The following NXPH1 variants were observed in gnomAD, a reference collection of about 807,000 sequenced individuals.
NXPH1 encodes neurexophilin-1.
Under a neutral mutation model 23.7 loss-of-function variants are expected in NXPH1, and 5 were observed. The ratio of observed to expected loss-of-function variants is 0.21; its 90% CI spans 0.11 to 0.44. The LOEUF is 0.44. Ranked by LOEUF, NXPH1 falls within the 20% of genes least tolerant of loss-of-function variation. The probability of loss-of-function intolerance (pLI) is 0.99; values close to 1 mark genes in which losing one functional copy is unlikely to be tolerated. For synonymous variants in NXPH1, 144 were observed against 122.2 expected (o/e 1.18, Z -1.18); for missense variants, 324 against 321.6 (o/e 1.01, Z -0.06).
In NXPH1 at chr7:8,713,506, A is replaced by ATT. The variant is rs572508806; in HGVS notation, c.55-37490_55-37489dup. On this transcript the variant is annotated intron_variant, in intron 2 of 2. Transcript: ENST00000405863. ...TCCTGGATGGTCTTGATGCTTGCAG[A>ATT]TTTTTTTTTTTTTGCTACCTGGGCA... Among the ~76,000 whole-genome samples the ATT allele has an allele frequency of 1.0e-4, 15 of 144,636 alleles. 1 individual carries two copies. The highest frequency in any genetic ancestry group is 6.6e-4 in the South Asian group (3 of 4,568). 94.9% of individuals were successfully genotyped at this position (144,636 alleles called of 152,430 possible). A position where few individuals can be genotyped will look rare whatever the true frequency, so the allele number is the denominator to read the frequency against.
At chr7:8,558,639 T>C (rs948887881) in intron 2 of NXPH1, among the ~76,000 whole-genome samples, 2 of 151,730 alleles carry the variant, frequency 1.3e-5, no homozygotes, top group Non-Finnish European at 3.0e-5. Flanking sequence ...TTATATCTCA[T>C]AGGCTCAAGT....
intron 2 of NXPH1, among the ~76,000 whole-genome samples, chr7:8,547,336 G>C (rs910532013): frequency 6.6e-6 from 1 of 151,372 alleles, no homozygotes; most frequent in African/African-American, 2.4e-5. Context: ...TCTCTTAAAG[G>C]GTTCCAGATA....
At chr7:8,688,796 GAC>G (rs1821185282) in intron 2 of NXPH1, among the ~76,000 whole-genome samples, 1 of 152,100 alleles carries the variant, frequency 6.6e-6, no homozygotes, top group South Asian at 2.1e-4. Context: ...TTCATTGTAT[GAC>G]ACAGTTAATA....
intron 2 of NXPH1, among the ~76,000 whole-genome samples, chr7:8,716,421 T>A (rs1779879840): frequency 6.6e-6 from 1 of 152,214 alleles, no homozygotes; most frequent in South Asian, 2.1e-4. Context: ...CAATATTGTT[T>A]GCATGAGATT....
At chr7:8,575,600 A>C (rs1818738896) in intron 2 of NXPH1, among the ~76,000 whole-genome samples, 1 of 152,194 alleles carries the variant, frequency 6.6e-6, no homozygotes, top group African/African-American at 2.4e-5. Context: ...AAGTTCTGTA[A>C]GCTCCATATT....
intron 2 of NXPH1, among the ~76,000 whole-genome samples, chr7:8,499,051 G>C (rs544377611): frequency 3.0e-4 from 46 of 152,190 alleles, no homozygotes; most frequent in African/African-American, 9.9e-4. Context: ...ATAGTGTAAA[G>C]CCTCCTATCA....
At chr7:8,554,165 A>G (rs898868526) in intron 2 of NXPH1, among the ~76,000 whole-genome samples, 1 of 145,556 alleles carries the variant, frequency 6.9e-6, no homozygotes. Flanking sequence ...ATGATGGAAG[A>G]AAAAAGCAAA....
intron 2 of NXPH1, among the ~76,000 whole-genome samples, chr7:8,447,414 G>T (rs986557619): frequency 6.6e-6 from 1 of 152,190 alleles, no homozygotes; most frequent in Non-Finnish European, 1.5e-5. Flanking sequence ...GAACTTAATT[G>T]CTATTGATGT....
At chr7:8,579,044 C>T (rs763842932) in intron 2 of NXPH1, among the ~76,000 whole-genome samples, 1 of 152,188 alleles carries the variant, frequency 6.6e-6, no homozygotes, top group African/African-American at 2.4e-5. Flanking sequence ...AGGCCAGGTA[C>T]TCATCACCTT....
At chr7:8,517,189 T>C (rs10261060) in intron 2 of NXPH1, among the ~76,000 whole-genome samples, 46,249 of 151,842 alleles carry the variant, frequency 0.3, 7,463 homozygotes, top group East Asian at 0.54. Flanking sequence ...TGAGCAACAG[T>C]GGCGGGTGAC....
chr7:8,467,541 A>G (rs1309005532), intron 2 of NXPH1, among the ~76,000 whole-genome samples: 2 of 152,176 alleles, frequency 1.3e-5, no homozygotes, highest in African/African-American at 4.8e-5. Flanking sequence ...CTTTCTAAAA[A>G]CATGAGCCTG....
In NXPH1 at chr7:8,572,116, A is replaced by G. The variant is rs573853489; in HGVS notation, c.54+136349A>G. ...AGATGAACACAAATAATTTTTTAGT[A>G]TGTCTTAAATAATGCATGGAATATA... On this transcript the variant is annotated intron_variant, in intron 2 of 2. Coordinates refer to ENST00000405863, the MANE Select transcript of NXPH1 (RefSeq NM_152745.3). Among the ~76,000 whole-genome samples, 5 of 152,068 alleles carry G rather than the reference A, an allele frequency of 3.3e-5. No homozygotes were observed. The East Asian group carries it at 9.7e-4, about 29-fold the overall frequency.
chr7:8,648,466 C>G (rs1052258229), intron 2 of NXPH1, among the ~76,000 whole-genome samples: 12 of 152,292 alleles, frequency 7.9e-5, no homozygotes, highest in African/African-American at 2.9e-4. Context: ...ATCTCCAGTT[C>G]CACCCGCGTT....
chr7:8,552,571 A>T (rs765133919), intron 2 of NXPH1, among the ~76,000 whole-genome samples: 25 of 151,508 alleles, frequency 1.7e-4, no homozygotes, highest in Admixed American at 1.3e-3. Flanking sequence ...AAATTGCATT[A>T]ACCTTGTGCT....
chr7:8,492,835 A>G (rs1273261554), intron 2 of NXPH1, among the ~76,000 whole-genome samples: 1 of 151,972 alleles, frequency 6.6e-6, no homozygotes, highest in East Asian at 1.9e-4. Flanking sequence ...AAAGCTTAGC[A>G]TTTACTAGTT....
chr7:8,662,534 T>A (rs1220712921), intron 2 of NXPH1, among the ~76,000 whole-genome samples: 4 of 152,084 alleles, frequency 2.6e-5, no homozygotes. Flanking sequence ...TGTACAAAAT[T>A]TAATATTTTA....
At chr7:8,708,859 A>C (rs1290711516) in intron 2 of NXPH1, among the ~76,000 whole-genome samples, 2 of 152,200 alleles carry the variant, frequency 1.3e-5, no homozygotes, top group Non-Finnish European at 2.9e-5. Flanking sequence ...CATGACGAGC[A>C]ATGCCGACAA....
chr7:8,685,851 C>G (rs1234262768), intron 2 of NXPH1, among the ~76,000 whole-genome samples: 1 of 151,788 alleles, frequency 6.6e-6, no homozygotes, highest in Non-Finnish European at 1.5e-5. Flanking sequence ...TGAATAAGAC[C>G]TATTATTGGA....
chr7:8,460,536 T>C (rs578142345), intron 2 of NXPH1, among the ~76,000 whole-genome samples: 7 of 152,316 alleles, frequency 4.6e-5, no homozygotes, highest in Admixed American at 3.3e-4. Context: ...TAGTTAGTAA[T>C]AGAATGTGAT....
Sources: gnomAD v4.1 joint callset for allele counts (sites outside exome capture counted in the v4.1 genomes callset) on GRCh38, gnomAD v4.1.1 for gene constraint, MANE v1.5 for transcripts, NCBI Gene and HGNC (gene_info 2026-07-23, HGNC 2026-07-21) for gene names.